CDH3: variants seen among roughly 807,000 people sequenced by gnomAD.
CDH3 encodes the protein cadherin 3.
A neutral mutation model predicts 82.0 loss-of-function variants in CDH3; 54 were observed. The observed-to-expected ratio is 0.66, with a 90% CI of 0.53 to 0.83. The LOEUF is 0.83. Ranked by LOEUF, CDH3 falls within the 40% of genes least tolerant of loss-of-function variation. The probability of loss-of-function intolerance (pLI) is 0.00; values close to 1 mark genes in which losing one functional copy is unlikely to be tolerated. For missense variants in CDH3, 1,054 were observed against 1,084.6 expected (o/e 0.97, Z 0.40); for synonymous variants, 446 against 437.9 (o/e 1.02, Z -0.23).
At chr16:68,671,764 C>T (rs1003762474) in intron 2 of CDH3, among the ~76,000 whole-genome samples, 8 of 151,978 alleles carry the variant, frequency 5.3e-5, no homozygotes, top group Non-Finnish European at 7.4e-5. Context: ...TCAGGTGATC[C>T]GCCCATCTTG....
rs1242706523 is a variant in CDH3 at position 68,671,185 on chromosome 16, C to G, written c.161-5200C>G. Among the ~76,000 whole-genome samples the G allele has an allele frequency of 2.8e-5, 4 of 144,510 alleles. No individual in the cohort carries two copies. The East Asian group carries it at 8.1e-4, about 29-fold the overall frequency. The allele number at this position is 144,510 out of a possible 152,430, so 94.8% of individuals were successfully genotyped here. A position where few individuals can be genotyped will look rare whatever the true frequency, so the allele number is the denominator to read the frequency against. On this transcript the variant is annotated intron_variant, in intron 2 of 15. Transcript: ENST00000264012. ...TTTTTTTTTTTTTAAGAGACAGGGT[C>G]TAGCTATATTGGCCAGGCTGGACTC...
chr16:68,708,886 A>AC (rs923878903), intron 1 of CDH3, among the ~76,000 whole-genome samples: 2 of 151,978 alleles, frequency 1.3e-5, no homozygotes, highest in Admixed American at 1.3e-4. Flanking sequence ...CAGGTGATCC[A>AC]CCCACCTCGG....
intron 3 of CDH3, 142 bp from the exon 4 acceptor site, chr16:68,677,992 G>A (rs1961079189): frequency 3.9e-6 from 3 of 776,120 alleles, no homozygotes; most frequent in Non-Finnish European, 6.8e-6. Context: ...GAACTCCTGG[G>A]CTCAAGTGAC....
chr16:68,671,421 G>A (rs568861621), intron 2 of CDH3, among the ~76,000 whole-genome samples: 1 of 151,982 alleles, frequency 6.6e-6, no homozygotes, highest in Non-Finnish European at 1.5e-5. Context: ...GCTTCACATA[G>A]TCTTCCCTCT....
At chr16:68,726,391 C>T (rs184300744) in intron 2 of CDH3, among the ~76,000 whole-genome samples, 6 of 152,148 alleles carry the variant, frequency 3.9e-5, no homozygotes, top group South Asian at 2.1e-4. Flanking sequence ...TTGGCTGCCC[C>T]GGAGTCTGGA....
At chr16:68,710,124 G>A (rs941086215) in intron 1 of CDH3, among the ~76,000 whole-genome samples, 4 of 152,234 alleles carry the variant, frequency 2.6e-5, no homozygotes, top group Non-Finnish European at 2.9e-5. Flanking sequence ...CGGGAAGGAG[G>A]GGAAGTGGCA....
intron 2 of CDH3, among the ~76,000 whole-genome samples, chr16:68,650,373 C>T (rs1441641048): frequency 2.0e-5 from 3 of 152,160 alleles, no homozygotes; most frequent in African/African-American, 2.4e-5. Flanking sequence ...GGCGCAGTCT[C>T]GGCTCACCGC....
intron 12 of CDH3, 149 bp from the exon 13 acceptor site, chr16:68,691,571 G>GC: frequency 1.4e-6 from 1 of 705,480 alleles, no homozygotes; most frequent in Non-Finnish European, 2.6e-6. Flanking sequence ...CCAAAGATCA[G>GC]CTTTTACTGC....
downstream of CDH3, among the ~76,000 whole-genome samples, chr16:68,701,946 C>G (rs1257475772): frequency 1.3e-5 from 2 of 151,874 alleles, no homozygotes; most frequent in African/African-American, 4.8e-5. Context: ...GTCACTTGAA[C>G]CCGGGAGGCG....
chr16:68,647,928 CT>C (rs1421497377), intron 2 of CDH3, among the ~76,000 whole-genome samples: 2 of 152,158 alleles, frequency 1.3e-5, no homozygotes, highest in African/African-American at 4.8e-5. Flanking sequence ...TTGTTCGCCC[CT>C]GGGTTATGAA....
chr16:68,722,764 G>T (rs1962178494), intron 2 of CDH3: 1 of 152,352 alleles, frequency 6.6e-6, no homozygotes, highest in Non-Finnish European at 1.5e-5. Context: ...ACAGTGGAGG[G>T]AGTGGGACCT....
intron 2 of CDH3, among the ~76,000 whole-genome samples, chr16:68,726,077 C>T (rs934271064): frequency 9.2e-5 from 14 of 152,002 alleles, no homozygotes; most frequent in Non-Finnish European, 1.8e-4. Context: ...AAAAGAAGGG[C>T]AGAATTCAGA....
At chr16:68,657,749 T>C (rs1960444393) in intron 2 of CDH3, among the ~76,000 whole-genome samples, 2 of 152,276 alleles carry the variant, frequency 1.3e-5, no homozygotes, top group East Asian at 1.9e-4. Flanking sequence ...AATGGGGAGA[T>C]GGGGAATGGG....
chr16:68,656,696 G>A (rs1425292614), intron 2 of CDH3, among the ~76,000 whole-genome samples: 1 of 152,212 alleles, frequency 6.6e-6, no homozygotes, highest in East Asian at 1.9e-4. Flanking sequence ...GGCAATCAGG[G>A]TGGGAAAGGG....
At chr16:68,688,824 T>A (rs1186093487) in intron 12 of CDH3, among the ~76,000 whole-genome samples, 1 of 152,148 alleles carries the variant, frequency 6.6e-6, no homozygotes, top group Non-Finnish European at 1.5e-5. Context: ...TTTGCCATGT[T>A]GGCCAGGCTG....
intron 2 of CDH3, among the ~76,000 whole-genome samples, chr16:68,668,725 G>A (rs563266882): frequency 2.6e-5 from 4 of 152,290 alleles, no homozygotes; most frequent in African/African-American, 4.8e-5. Flanking sequence ...AGCTTCATCC[G>A]TTGAGTAAAG....
In CDH3 at chr16:68,684,660, C is replaced by T. The variant is rs1461725502; in HGVS notation, c.1260C>T (p.Leu420=). ...VTNEAPFVLK[L]PTSTATIVVH... The stretch of plus-strand genomic sequence containing the variant: ...ACGAGGCCCCTTTTGTGCTGAAGCT[C>T]CCAACCTCCACAGCCACCATAGTGG... Residue 420 remains leucine (L), a synonymous_variant, in exon 10 of 16, where the codon CTC becomes CTT. Coordinates refer to ENST00000264012, the MANE Select transcript of CDH3 (RefSeq NM_001793.6). The T allele has an allele frequency of 2.5e-6, 4 of 1,614,204 alleles. No homozygotes were observed. The South Asian group carries it at 4.4e-5, about 18-fold the overall frequency.
In CDH3 at chr16:68,684,716, T is replaced by G; in HGVS notation, c.1316T>G (p.Val439Gly). 2 of 1,614,160 alleles carry G rather than the reference T, an allele frequency of 1.2e-6. No individual in the cohort carries two copies. Among genetic ancestry groups the G allele is most frequent in the Non-Finnish European group, 1.7e-6 (2 of 1,180,040 alleles). The change falls in exon 10 of 16, where the codon GTG becomes GGG. Residue 439 changes from valine to glycine, a missense_variant. Transcript: ENST00000264012. ...VHVEDVNEAP[V>G]FVPPSKVVEV... is the part of the protein sequence containing the mutation. ...GTGGAGGATGTGAATGAGGCACCTG[T>G]GTTTGTCCCACCCTCCAAAGTCGTT...
chr16:68,710,874 GGAGA>G (rs1036962222), intron 1 of CDH3, among the ~76,000 whole-genome samples: 5 of 144,918 alleles, frequency 3.5e-5, no homozygotes, highest in Admixed American at 7.0e-5. Flanking sequence ...AGAGAAAAAG[GGAGA>G]GAGAGAGAGA....
Sources: gnomAD v4.1 joint callset for allele counts (sites outside exome capture counted in the v4.1 genomes callset) on GRCh38, gnomAD v4.1.1 for gene constraint, MANE v1.5 for transcripts, NCBI Gene and HGNC (gene_info 2026-07-23, HGNC 2026-07-21) for gene names.